CDK19: variants seen among roughly 807,000 people sequenced by gnomAD.
CDK19 encodes the protein cyclin dependent kinase 19.
A neutral mutation model predicts 68.3 loss-of-function variants in CDK19; 20 were observed. That is an observed-to-expected ratio of 0.29 (90% CI 0.21 to 0.43). CDK19 has a LOEUF of 0.43. Among genes scored for constraint, CDK19 ranks in the 20% least tolerant of loss-of-function variants. The pLI is 1.00. For missense variants in CDK19, 339 were observed against 623.5 expected, an observed-to-expected ratio of 0.54 and a Z score of 4.86; for synonymous variants, 221 against 222.8, an observed-to-expected ratio of 0.99 and a Z score of 0.07.
chr6:110,720,449 C>T (rs991362111), intron 2 of CDK19, among the ~76,000 whole-genome samples: 3 of 152,204 alleles, frequency 2.0e-5, no homozygotes, highest in Non-Finnish European at 4.4e-5. Flanking sequence ...CCACTTTTCA[C>T]TGTTTTACGT....
At chr6:110,630,945 T>A (rs1410818776) in intron 6 of CDK19, among the ~76,000 whole-genome samples, 5 of 152,184 alleles carry the variant, frequency 3.3e-5, no homozygotes, top group African/African-American at 1.2e-4. Context: ...CTTACTATAT[T>A]TTAATTTTTG....
chr6:110,774,167 T>C (rs3014320), intron 1 of CDK19, among the ~76,000 whole-genome samples: 5,026 of 152,318 alleles, frequency 0.033, 262 homozygotes, highest in African/African-American at 0.12. Context: ...TAACTAATTA[T>C]ATTCTTACGA....
rs765175467 is a variant in CDK19, at chr6:110,626,787, A to G, written c.849T>C (p.Phe283=). ...MPEYPTLQKD[F]RRTTYANSSL... ...GTGGAATTACTTACGTTGTTCTTCT[A>G]AAGTCTTTTTGAAGTGTGGGATATT... Residue 283 remains phenylalanine (F), a synonymous_variant, in exon 8 of 13, where the codon TTT becomes TTC. Transcript: ENST00000368911. 3.2e-6 allele frequency: 5 copies of G among 1,573,210 alleles called. No homozygotes were observed. Among genetic ancestry groups the G allele is most frequent in the East Asian group, 2.3e-5 (1 of 44,370 alleles).
At chr6:110,671,507 CA>C (rs1771010606) in intron 2 of CDK19, among the ~76,000 whole-genome samples, 2 of 152,112 alleles carry the variant, frequency 1.3e-5, no homozygotes, top group Admixed American at 1.3e-4. Flanking sequence ...TGATTATATA[CA>C]AATGTTTTTC....
intron 1 of CDK19, among the ~76,000 whole-genome samples, chr6:110,790,642 A>G (rs1432071456): frequency 2.0e-5 from 3 of 152,236 alleles, no homozygotes; most frequent in Admixed American, 6.5e-5. Context: ...TCACTTTGAA[A>G]TTTTATAGTA....
Position 110,613,234 on chromosome 6 carries a change from TATA to T in CDK19, c.*1298_*1300del, listed in dbSNP as rs1562117459. On this transcript the variant is annotated 3_prime_UTR_variant, in exon 13 of 13. Coordinates refer to ENST00000368911, the MANE Select transcript of CDK19 (RefSeq NM_015076.5). ...AAATGCAAATATTCACTTTGTCTAGTATAGTCTTATACTATCCGCCCATAGTTT... is the reference window on the plus strand; with the variant it reads ...AAATGCAAATATTCACTTTGTCTAGTGTCTTATACTATCCGCCCATAGTTT... The T allele has an allele frequency of 6.6e-6, 1 of 152,644 alleles. No homozygotes were observed. The highest frequency in any genetic ancestry group is 1.5e-5 in the Non-Finnish European group (1 of 68,046). The allele number at this position is 152,644 out of a possible 1,614,324, so 9.5% of individuals were successfully genotyped here. A position where few individuals can be genotyped will look rare whatever the true frequency, so the allele number is the denominator to read the frequency against.
At chr6:110,659,870 ATC>A (rs957461177) in intron 4 of CDK19, among the ~76,000 whole-genome samples, 8 of 152,238 alleles carry the variant, frequency 5.3e-5, no homozygotes, top group Non-Finnish European at 1.2e-4. Context: ...CCGCCGCTAG[ATC>A]TTACCATCCA....
intron 1 of CDK19, among the ~76,000 whole-genome samples, chr6:110,796,426 GT>G (rs1164039153): frequency 6.6e-6 from 1 of 150,874 alleles, no homozygotes; most frequent in East Asian, 2.0e-4. Context: ...GCTGAGGTGG[GT>G]GGACTGTTTG....
Position 110,739,318 on chromosome 6 carries a change from ACAGGGAGAAGACAGCCG to A in CDK19, c.204+6791_204+6807del, listed in dbSNP as rs1226945712. ...GGTTGGCTTTCCACCATGTGGAGAC[ACAGGGAGAAGACAGCCG>A]TCCATCTGTGAACTAGGAAGTGGAC... On this transcript the variant is annotated intron_variant, in intron 2 of 12. Coordinates refer to ENST00000368911, the MANE Select transcript of CDK19 (RefSeq NM_015076.5). 2.0e-5 allele frequency among the ~76,000 whole-genome samples: 3 copies of A among 152,178 alleles called. No individual in the cohort carries two copies. The East Asian group carries it at 5.8e-4, about 29-fold the overall frequency.
intron 2 of CDK19, among the ~76,000 whole-genome samples, chr6:110,698,284 T>C (rs1362244918): frequency 1.3e-5 from 2 of 151,434 alleles, no homozygotes; most frequent in Non-Finnish European, 2.9e-5. Flanking sequence ...ATATCCAGAA[T>C]CTACAAGGAA....
At chr6:110,625,275 A>G (rs1165404110) in intron 8 of CDK19, among the ~76,000 whole-genome samples, 2 of 152,068 alleles carry the variant, frequency 1.3e-5, no homozygotes, top group Non-Finnish European at 2.9e-5. Flanking sequence ...TTGTAGGTAC[A>G]CTGAAGTTTG....
intron 2 of CDK19, among the ~76,000 whole-genome samples, chr6:110,681,728 C>T (rs891758782): frequency 4.6e-5 from 7 of 152,198 alleles, no homozygotes; most frequent in African/African-American, 1.4e-4. Flanking sequence ...TACGTGTAAT[C>T]ATACTTAAAC....
chr6:110,678,746 T>C (rs970224091), intron 2 of CDK19, among the ~76,000 whole-genome samples: 1 of 152,236 alleles, frequency 6.6e-6, no homozygotes, highest in Non-Finnish European at 1.5e-5. Context: ...GGGCACATCC[T>C]TTCAGTTACC....
intron 5 of CDK19, among the ~76,000 whole-genome samples, chr6:110,634,451 C>G (rs530597178): frequency 6.6e-6 from 1 of 152,332 alleles, no homozygotes; most frequent in Admixed American, 6.5e-5. Flanking sequence ...CTCCTGACCT[C>G]AAGTGATCTG....
At chr6:110,633,398 T>C (rs1779569527) in intron 5 of CDK19, among the ~76,000 whole-genome samples, 1 of 152,212 alleles carries the variant, frequency 6.6e-6, no homozygotes, top group East Asian at 1.9e-4. Context: ...TGATTTGGAA[T>C]TGGCTATGGT....
intron 1 of CDK19, among the ~76,000 whole-genome samples, chr6:110,811,896 T>TA (rs1241403416): frequency 4.1e-5 from 6 of 148,016 alleles, no homozygotes; most frequent in African/African-American, 1.0e-4. Flanking sequence ...TTTTTTTTTT[T>TA]AAAGTAAAAG....
At chr6:110,776,438 A>T (rs1198265241) in intron 1 of CDK19, among the ~76,000 whole-genome samples, 2 of 152,124 alleles carry the variant, frequency 1.3e-5, no homozygotes, top group Admixed American at 6.5e-5. Context: ...TCAAAAAAAA[A>T]AAAAAGAACC....
At chr6:110,665,888 G>A (rs1781893233) in intron 4 of CDK19, among the ~76,000 whole-genome samples, 1 of 151,910 alleles carries the variant, frequency 6.6e-6, no homozygotes, top group Non-Finnish European at 1.5e-5. Context: ...AGGACCACAG[G>A]AGCACACCAC....
chr6:110,667,996 T>C (rs896857212), intron 3 of CDK19, among the ~76,000 whole-genome samples: 29 of 152,326 alleles, frequency 1.9e-4, no homozygotes, highest in South Asian at 1.2e-3. Flanking sequence ...TATATTTGAA[T>C]TATTGGAAAA....
Sources: allele counts gnomAD v4.1 joint callset (sites outside exome capture counted in the v4.1 genomes callset), GRCh38; gene constraint gnomAD v4.1.1; transcripts MANE v1.5; gene names NCBI Gene and HGNC (gene_info 2026-07-23, HGNC 2026-07-21).